The following CDS2 variants were observed in gnomAD, a reference collection of about 807,000 sequenced individuals.
CDS2 encodes the protein phosphatidate cytidylyltransferase 2.
In CDS2, 47 loss-of-function variants were observed where a neutral mutation model predicts 59.0. The observed-to-expected ratio is 0.80, with a 90% CI of 0.63 to 1.02. CDS2 has a LOEUF of 1.02. Ranked by LOEUF, CDS2 falls within the 50% of genes least tolerant of loss-of-function variation. CDS2 has a pLI of 0.00. For synonymous variants in CDS2, 207 were observed against 206.4 expected (o/e 1.00, Z -0.02); for missense variants, 356 against 558.9 (o/e 0.64, Z 3.66).
At chr20:5,188,582 TA>T (rs1247882251) in intron 10 of CDS2, among the ~76,000 whole-genome samples, 2 of 152,240 alleles carry the variant, frequency 1.3e-5, no homozygotes, top group Non-Finnish European at 2.9e-5. Flanking sequence ...ATTAGTTTCA[TA>T]AAGAGTTACG....
intron 5 of CDS2, among the ~76,000 whole-genome samples, chr20:5,179,537 C>T (rs143070997): frequency 1.3e-5 from 2 of 152,248 alleles, no homozygotes; most frequent in African/African-American, 2.4e-5. Flanking sequence ...TGTCCTGACT[C>T]TCCTGTTGGC....
In CDS2 at chr20:5,194,305, T is replaced by C. The variant is rs566865845; in HGVS notation, c.*4071T>C. 1 of 152,352 alleles carries C rather than the reference T, an allele frequency of 6.6e-6. No homozygotes were observed. Among genetic ancestry groups the C allele is most frequent in the Non-Finnish European group, 1.5e-5 (1 of 68,166 alleles). The allele number at this position is 152,352 out of a possible 1,614,324, so 9.4% of individuals were successfully genotyped here. On this transcript the variant is annotated 3_prime_UTR_variant, in exon 13 of 13. Transcript: ENST00000460006. The stretch of plus-strand genomic sequence containing the variant: ...TGGGGGCCTTGTGCCACAACCTGCA[T>C]GGGGTGCTAGGGTTTAAACCAAGTG...
chr20:5,136,184 G>A (rs11700072), intron 1 of CDS2, among the ~76,000 whole-genome samples: 17,806 of 152,192 alleles, frequency 0.12, 1,229 homozygotes, highest in Middle Eastern at 0.23. Context: ...GGCTAGTCCT[G>A]TGGTTTCAGT....
At chr20:5,187,249 A>T (rs1340006020) in intron 10 of CDS2, 1 of 209,278 alleles carries the variant, frequency 4.8e-6, no homozygotes, top group African/African-American at 2.2e-5. Flanking sequence ...CTCATGCCAC[A>T]CACTCACAGT....
chr20:5,185,042 T>C (rs148097249), intron 8 of CDS2, 97 bp downstream of exon 8: 1 of 890,856 alleles, frequency 1.1e-6, no homozygotes, highest in Non-Finnish European at 1.9e-6. Flanking sequence ...AATCTAGCTG[T>C]GTTGTATTGT....
intron 1 of CDS2, among the ~76,000 whole-genome samples, chr20:5,136,868 G>A (rs1276471297): frequency 2.0e-5 from 3 of 152,030 alleles, no homozygotes; most frequent in African/African-American, 4.8e-5. Context: ...CTGAGGTTTG[G>A]TGTACAAATG....
chr20:5,141,180 A>G (rs777563397), intron 1 of CDS2, among the ~76,000 whole-genome samples: 7 of 152,218 alleles, frequency 4.6e-5, no homozygotes, highest in Non-Finnish European at 8.8e-5. Flanking sequence ...TTTGATTGCT[A>G]TAAGACCCTC....
intron 1 of CDS2, among the ~76,000 whole-genome samples, 170 bp from the exon 2 acceptor site, chr20:5,173,353 C>T (rs1469149301): frequency 6.6e-6 from 1 of 152,246 alleles, no homozygotes; most frequent in Admixed American, 6.5e-5. Context: ...GCACATGTCA[C>T]AACAGTGTCA....
rs777293336 is a variant in CDS2, at chr20:5,178,982, C to G, written c.529+26C>G. 5 of 1,608,614 alleles carry G rather than the reference C, an allele frequency of 3.1e-6. No individual in the cohort carries two copies. The South Asian group carries it at 4.4e-5, about 14-fold the overall frequency. On this transcript the variant is annotated intron_variant, in intron 5 of 12. Coordinates refer to ENST00000460006, the MANE Select transcript of CDS2 (RefSeq NM_003818.4). ...GTATGCATTAAGCAGTTCACCATTT[C>G]TTGTGTCTGTATTGTTTTTGTATGT...
At chr20:5,158,000 C>G (rs1007015554) in intron 1 of CDS2, among the ~76,000 whole-genome samples, 1 of 152,098 alleles carries the variant, frequency 6.6e-6, no homozygotes, top group East Asian at 1.9e-4. Flanking sequence ...AACACAAATT[C>G]GTAAACTTTC....
At chr20:5,165,494 C>G (rs571543346) in intron 1 of CDS2, among the ~76,000 whole-genome samples, 1 of 152,316 alleles carries the variant, frequency 6.6e-6, no homozygotes, top group East Asian at 1.9e-4. Flanking sequence ...ATGGCTCCCC[C>G]ACAGAGATGA....
chr20:5,133,848 T>A (rs1381866021), intron 1 of CDS2, among the ~76,000 whole-genome samples: 1 of 152,028 alleles, frequency 6.6e-6, no homozygotes. Flanking sequence ...TAATTCCCGG[T>A]TGTTGTTTTT....
chr20:5,150,106 G>A (rs1239610168), intron 1 of CDS2, among the ~76,000 whole-genome samples: 1 of 152,176 alleles, frequency 6.6e-6, no homozygotes, highest in Non-Finnish European at 1.5e-5. Flanking sequence ...GATCTAAAAT[G>A]TGGTATTTTC....
chr20:5,177,414 G>A (rs1214164552), intron 4 of CDS2, among the ~76,000 whole-genome samples: 2 of 152,056 alleles, frequency 1.3e-5, no homozygotes, highest in East Asian at 3.9e-4. Flanking sequence ...TGAATGCATG[G>A]GATCTGGGCT....
intron 5 of CDS2, among the ~76,000 whole-genome samples, 156 bp downstream of exon 5, chr20:5,179,112 A>G (rs1335586409): frequency 6.8e-6 from 1 of 146,480 alleles, no homozygotes; most frequent in Non-Finnish European, 1.5e-5. Context: ...AAGCTGTAGC[A>G]GCTGTTACCT....
intron 1 of CDS2, chr20:5,168,726 T>C (rs1303090258): frequency 2.0e-6 from 1 of 488,390 alleles, no homozygotes; most frequent in African/African-American, 2.0e-5. Flanking sequence ...CCCAGAGAGT[T>C]GATAGTGAAA....
intron 1 of CDS2, among the ~76,000 whole-genome samples, chr20:5,148,006 T>C (rs1324466671): frequency 6.6e-6 from 1 of 152,180 alleles, no homozygotes; most frequent in Admixed American, 6.5e-5. Flanking sequence ...TCGGCCAGGC[T>C]GGAGTGCAGT....
chr20:5,152,075 C>CT (rs1211588192), intron 1 of CDS2, among the ~76,000 whole-genome samples: 4 of 105,394 alleles, frequency 3.8e-5, no homozygotes, highest in East Asian at 2.1e-4. Flanking sequence ...GACTCCATGG[C>CT]TTTTTAAAAA....
intron 5 of CDS2, among the ~76,000 whole-genome samples, chr20:5,180,321 G>C (rs946719778): frequency 4.0e-5 from 6 of 151,688 alleles, no homozygotes; most frequent in African/African-American, 1.5e-4. Flanking sequence ...TTTTTTAAGG[G>C]GAAGCAAGTT....
Sources: allele counts gnomAD v4.1 joint callset (sites outside exome capture counted in the v4.1 genomes callset), GRCh38; gene constraint gnomAD v4.1.1; transcripts MANE v1.5; gene names NCBI Gene and HGNC (gene_info 2026-07-23, HGNC 2026-07-21).